The following GPHN variants were observed in gnomAD, a reference collection of about 807,000 sequenced individuals.
GPHN encodes the protein gephyrin.
In GPHN, 17 loss-of-function variants were observed where a neutral mutation model predicts 95.5. The observed-to-expected ratio is 0.18, with a 90% CI of 0.12 to 0.27. The LOEUF (loss-of-function observed/expected upper bound fraction) is 0.27, where lower values mean the gene tolerates loss of function less well. GPHN is among the 10% of genes least tolerant of loss of function. The pLI, the probability that GPHN is intolerant of heterozygous loss-of-function variation, is 1.00. For missense variants in GPHN, 660 were observed against 978.1 expected (o/e 0.67, Z 4.34); for synonymous variants, 320 against 322.5 (o/e 0.99, Z 0.08).
At chr14:67,562,866 C>T in the GPHN span, 6 of 1,613,200 alleles carry the variant, frequency 3.7e-6, no homozygotes, top group East Asian at 1.1e-4. Context: ...AAGCCACCTA[C>T]ACCCCCGCTG....
At chr14:66,877,819 A>G (rs991821776) in intron 4 of GPHN, among the ~76,000 whole-genome samples, 1 of 152,216 alleles carries the variant, frequency 6.6e-6, no homozygotes, top group Non-Finnish European at 1.5e-5. Flanking sequence ...AGGAATTTAT[A>G]GATTCAATGC....
At chr14:67,645,413 C>A in the GPHN span, among the ~76,000 whole-genome samples, 1 of 152,240 alleles carries the variant, frequency 6.6e-6, no homozygotes, top group South Asian at 2.1e-4. Context: ...GCAGTGACAT[C>A]TGTCACACTG....
At chr14:66,986,670 C>T (rs181744451) in intron 9 of GPHN, among the ~76,000 whole-genome samples, 1 of 152,254 alleles carries the variant, frequency 6.6e-6, no homozygotes, top group African/African-American at 2.4e-5. Flanking sequence ...ATCTCAATCT[C>T]ATTTGCCCTA....
intron 5 of GPHN, among the ~76,000 whole-genome samples, chr14:66,912,704 C>G (rs2065728811): frequency 6.6e-6 from 1 of 152,024 alleles, no homozygotes; most frequent in South Asian, 2.1e-4. Context: ...TACATTCTAG[C>G]TCTTTACAGT....
the GPHN span, among the ~76,000 whole-genome samples, chr14:67,478,181 C>A: frequency 3.3e-5 from 5 of 152,228 alleles, no homozygotes; most frequent in Admixed American, 2.6e-4. Context: ...TCCTCCGGGG[C>A]CCAGTGGACT....
At chr14:67,148,365 A>G (rs2081026219) in intron 18 of GPHN, among the ~76,000 whole-genome samples, 1 of 152,174 alleles carries the variant, frequency 6.6e-6, no homozygotes, top group Admixed American at 6.5e-5. Context: ...GCTTCACTTC[A>G]AACACAGTTA....
At chr14:67,141,805 G>A (rs2080474301) in intron 17 of GPHN, among the ~76,000 whole-genome samples, 2 of 152,308 alleles carry the variant, frequency 1.3e-5, no homozygotes, top group Middle Eastern at 3.4e-3. Flanking sequence ...GATAAAAATT[G>A]AAATTATATC....
chr14:66,643,802 T>A (rs1459751426), intron 1 of GPHN, among the ~76,000 whole-genome samples: 1 of 151,642 alleles, frequency 6.6e-6, no homozygotes, highest in Non-Finnish European at 1.5e-5. Context: ...AAGCTCTATA[T>A]GTGTTTGAGG....
chr14:67,646,993 C>A, the GPHN span: 1 of 1,612,720 alleles, frequency 6.2e-7, no homozygotes, highest in Non-Finnish European at 8.5e-7. Context: ...TCCAGAAGGT[C>A]ATGGAACGAA....
intron 1 of GPHN, among the ~76,000 whole-genome samples, chr14:66,614,428 C>A (rs995970037): frequency 2.6e-5 from 4 of 152,120 alleles, no homozygotes; most frequent in African/African-American, 9.7e-5. Flanking sequence ...AATTAATGCT[C>A]ATCATCCTCT....
chr14:67,546,390 GTTTTGTTTTTGT>G, the GPHN span, among the ~76,000 whole-genome samples: 47 of 152,010 alleles, frequency 3.1e-4, no homozygotes, highest in South Asian at 3.5e-3. Flanking sequence ...TGTGTTTTTT[GTTTTGTTTTTGT>G]TTTTGTTTTT....
At chr14:67,062,136 A>C (rs139815592) in intron 11 of GPHN, among the ~76,000 whole-genome samples, 1 of 152,240 alleles carries the variant, frequency 6.6e-6, no homozygotes. Context: ...TTGAATTGTC[A>C]TAAGTAAAAT....
At chr14:67,001,691 A>T (rs1170008944) in intron 9 of GPHN, among the ~76,000 whole-genome samples, 1 of 151,754 alleles carries the variant, frequency 6.6e-6, no homozygotes, top group Non-Finnish European at 1.5e-5. Flanking sequence ...TGCCACGTCT[A>T]CTTTAAAATC....
At chr14:66,775,591 A>C (rs1003540138) in intron 2 of GPHN, among the ~76,000 whole-genome samples, 1 of 152,176 alleles carries the variant, frequency 6.6e-6, no homozygotes, top group Non-Finnish European at 1.5e-5. Flanking sequence ...TGTATTTTAC[A>C]CTTTTGTACA....
chr14:67,653,594 G>A, the GPHN span: 1 of 1,109,892 alleles, frequency 9.0e-7, no homozygotes, highest in Non-Finnish European at 1.3e-6. Flanking sequence ...AGGGATATAT[G>A]TTGAAAAATT....
chr14:66,854,995 G>A (rs373066668), intron 4 of GPHN, among the ~76,000 whole-genome samples: 4 of 151,896 alleles, frequency 2.6e-5, no homozygotes, highest in South Asian at 2.1e-4. Context: ...TTACAGGTGC[G>A]TGCCACCAAG....
chr14:67,249,923 T>C, the GPHN span, among the ~76,000 whole-genome samples: 1 of 152,238 alleles, frequency 6.6e-6, no homozygotes, highest in African/African-American at 2.4e-5. Context: ...TAGGACTTGG[T>C]TGTACTTAGA....
At chr14:66,834,092 C>T (rs2061692527) in intron 4 of GPHN, among the ~76,000 whole-genome samples, 1 of 152,114 alleles carries the variant, frequency 6.6e-6, no homozygotes, top group Non-Finnish European at 1.5e-5. Flanking sequence ...AAATCTGTCA[C>T]CTTATAATTT....
intron 3 of GPHN, among the ~76,000 whole-genome samples, chr14:66,822,523 G>A (rs530283920): frequency 6.6e-6 from 1 of 152,286 alleles, no homozygotes; most frequent in Non-Finnish European, 1.5e-5. Flanking sequence ...TGAAATCTGA[G>A]TCAGTGTTCC....
Sources: allele counts gnomAD v4.1 joint callset (sites outside exome capture counted in the v4.1 genomes callset), GRCh38; gene constraint gnomAD v4.1.1; transcripts MANE v1.5; gene names NCBI Gene and HGNC (gene_info 2026-07-23, HGNC 2026-07-21).